Variants in PTGR2 observed in about 807,000 individuals in gnomAD.
PTGR2 encodes 15-oxoprostaglandin 13-reductase.
A neutral mutation model predicts 43.4 loss-of-function variants in PTGR2; 32 were observed. That is an observed-to-expected ratio of 0.74 (90% confidence interval 0.56 to 0.99). The LOEUF is 0.99. Among genes scored for constraint, PTGR2 ranks in the 50% least tolerant of loss-of-function variants. PTGR2 has a pLI of 0.00. For missense variants in PTGR2, 373 were observed against 420.0 expected (o/e 0.89, Z 0.98); for synonymous variants, 106 against 139.2 (o/e 0.76, Z 1.68).
At chr14:73,879,968 A>T (rs2054943700) in intron 6 of PTGR2, 87 bp from the exon 7 acceptor site, 1 of 1,364,440 alleles carries the variant, frequency 7.3e-7, no homozygotes, top group Non-Finnish European at 1.0e-6. Flanking sequence ...AGAAAGGATT[A>T]AATAGTCAAG....
chr14:73,884,339 T>C lies in PTGR2; in HGVS notation c.*162T>C, dbSNP rs559515254. 2.0e-6 allele frequency: 1 copy of C among 493,494 alleles called. No individual in the cohort carries two copies. Among genetic ancestry groups the C allele is most frequent in the African/African-American group, 2.0e-5 (1 of 49,102 alleles). 30.6% of individuals were successfully genotyped at this position (493,494 alleles called of 1,614,324 possible). On this transcript the variant is annotated 3_prime_UTR_variant, in exon 10 of 10. Transcript: ENST00000555661. ...GGTATTTGATACAATCATTAATGGA[T>C]CATACACAATAGGTTTTTAAAAATT...
chr14:73,869,755 G>T (rs951858046), intron 3 of PTGR2, among the ~76,000 whole-genome samples: 1 of 151,652 alleles, frequency 6.6e-6, no homozygotes, highest in Non-Finnish European at 1.5e-5. Context: ...GCTGGGCGAG[G>T]TGGCTCATGC....
chr14:73,866,396 C>T (rs1289905977), intron 3 of PTGR2, among the ~76,000 whole-genome samples: 1 of 151,972 alleles, frequency 6.6e-6, no homozygotes, highest in Non-Finnish European at 1.5e-5. Context: ...CTCAGCCTCC[C>T]AAAGTGCTGG....
intron 8 of PTGR2, 41 bp downstream of exon 8, chr14:73,881,333 C>T (rs1220534079): frequency 3.3e-6 from 4 of 1,209,410 alleles, no homozygotes; most frequent in Admixed American, 1.8e-5. Flanking sequence ...CTTCCTGCTA[C>T]TTGATATAAT....
chr14:73,879,362 C>A, intron 6 of PTGR2, 57 bp downstream of exon 6: 14 of 1,483,558 alleles, frequency 9.4e-6, no homozygotes, highest in Non-Finnish European at 1.2e-5. Context: ...GTTGTGATAT[C>A]TTTTTACCTA....
chr14:73,885,226 T>C lies in PTGR2; in HGVS notation c.*1049T>C, dbSNP rs1595377305. 1.3e-5 allele frequency: 2 copies of C among 152,046 alleles called. No individual in the cohort carries two copies. Among genetic ancestry groups the C allele is most frequent in the African/African-American group, 4.8e-5 (2 of 41,380 alleles). 9.4% of individuals were successfully genotyped at this position (152,046 alleles called of 1,614,324 possible). A position where few individuals can be genotyped will look rare whatever the true frequency, so the allele number is the denominator to read the frequency against. On this transcript the variant is annotated 3_prime_UTR_variant, in exon 10 of 10. Coordinates refer to ENST00000555661, the MANE Select transcript of PTGR2 (RefSeq NM_001146154.2). ...ATCATTTGAACCTGGGAGGGGGAGG[T>C]TGCCGTGAGCTGAGCTTGCACCATT...
In PTGR2 at chr14:73,874,221, T is replaced by C. The variant is rs2054802857; in HGVS notation, c.348+7T>C. 2 of 1,597,946 alleles carry C rather than the reference T, an allele frequency of 1.3e-6. No homozygotes were observed. The highest frequency in any genetic ancestry group is 8.6e-7 in the Non-Finnish European group (1 of 1,169,302). ...TGGAAATAGCCTTGAAAAGGTGATATATATATGAACATATCTGATTTTTTT... is the reference window on the plus strand; with the variant it reads ...TGGAAATAGCCTTGAAAAGGTGATACATATATGAACATATCTGATTTTTTT... On this transcript the variant is annotated splice_region_variant and intron_variant, in intron 4 of 9. Transcript: ENST00000555661.
chr14:73,876,910 G>A (rs1052353713), intron 4 of PTGR2, 88 bp from the exon 5 acceptor site: 12 of 911,102 alleles, frequency 1.3e-5, no homozygotes, highest in African/African-American at 3.4e-5. Context: ...TTGTGGGGAC[G>A]CAATTCAGTC....
chr14:73,864,350 C>T (rs2054556885), intron 3 of PTGR2, among the ~76,000 whole-genome samples: 1 of 152,080 alleles, frequency 6.6e-6, no homozygotes, highest in African/African-American at 2.4e-5. Flanking sequence ...TATGTTTAAC[C>T]TTTTGAGGAA....
intron 3 of PTGR2, among the ~76,000 whole-genome samples, chr14:73,868,081 GT>G (rs1182278854): frequency 6.6e-6 from 1 of 152,138 alleles, no homozygotes; most frequent in Non-Finnish European, 1.5e-5. Context: ...GAGGTCAGGA[GT>G]TTGACACCAG....
At position 73,882,844 on chromosome 14, in the gene PTGR2, G is replaced by A. The variant is rs866874394; in HGVS notation, c.979+406G>A. Among the ~76,000 whole-genome samples, 307 of 74,318 alleles carry A rather than the reference G, an allele frequency of 4.1e-3. 1 individual carries two copies. The highest frequency in any genetic ancestry group is 0.015 in the African/African-American group (294 of 20,270). The allele number at this position is 74,318 out of a possible 152,430, so 48.8% of individuals were successfully genotyped here. A position where few individuals can be genotyped will look rare whatever the true frequency, so the allele number is the denominator to read the frequency against. ...TTTTTTTTTTTTTTTTTTTTGAGAC[G>A]GAGTCTTGCTCTGTCTCCCAGGCTG... On this transcript the variant is annotated intron_variant, in intron 9 of 9. Transcript: ENST00000555661.
At chr14:73,875,709 T>C (rs1377286528) in intron 4 of PTGR2, among the ~76,000 whole-genome samples, 1 of 151,060 alleles carries the variant, frequency 6.6e-6, no homozygotes, top group East Asian at 1.9e-4. Context: ...TCTTCCATTG[T>C]TGCCAAGTAT....
At chr14:73,870,351 G>A (rs1266185420) in intron 3 of PTGR2, among the ~76,000 whole-genome samples, 1 of 151,838 alleles carries the variant, frequency 6.6e-6, no homozygotes, top group Non-Finnish European at 1.5e-5. Context: ...GCTAATTTTT[G>A]TATTTTTTAG....
Position 73,879,125 on chromosome 14 carries a change from G to A in PTGR2, c.549G>A (p.Val183=), listed in dbSNP as rs749022995. The A allele has an allele frequency of 5.6e-6, 9 of 1,613,968 alleles. No homozygotes were observed. The South Asian group carries it at 9.9e-5, about 18-fold the overall frequency. Residue 183 remains valine, a synonymous_variant, in exon 6 of 10, where the codon GTG becomes GTA. Coordinates refer to ENST00000555661, the MANE Select transcript of PTGR2 (RefSeq NM_001146154.2). The part of the protein sequence containing the change: ...QIGHFLGCSR[V]VGICGTHEKC... The stretch of plus-strand genomic sequence containing the variant: ...GCCATTTCTTAGGTTGTTCCAGAGT[G>A]GTGGGAATTTGTGGAACACATGAGA...
Position 73,885,270 on chromosome 14 carries a change from C to T in PTGR2, c.*1093C>T, listed in dbSNP as rs72627116. The T allele has an allele frequency of 0.15, 23,361 of 152,184 alleles. 2,365 individuals are homozygous for T. Among genetic ancestry groups the T allele is most frequent in the East Asian group, 0.49 (2,539 of 5,166 alleles). The allele number at this position is 152,184 out of a possible 1,614,324, so 9.4% of individuals were successfully genotyped here. A position where few individuals can be genotyped will look rare whatever the true frequency, so the allele number is the denominator to read the frequency against. ...CACCATTGCACTCCAGCCTGGGCGA[C>T]AAGAGTGAAATTCCATCTCAAAAAA... On this transcript the variant is annotated 3_prime_UTR_variant, in exon 10 of 10. Transcript: ENST00000555661.
At chr14:73,857,664 G>GTTTTTTTGT (rs1706483442) in intron 1 of PTGR2, among the ~76,000 whole-genome samples, 3 of 64,698 alleles carry the variant, frequency 4.6e-5, no homozygotes, top group Non-Finnish European at 5.4e-5. Flanking sequence ...AGCAGTTAGT[G>GTTTTTTTGT]TTTTTTTTTT....
rs58234739 is a variant in PTGR2, at chr14:73,883,188, CTTTTTTTT to C, written c.979+775_979+782del. Among the ~76,000 whole-genome samples, 15 of 58,152 alleles carry C rather than the reference CTTTTTTTT, an allele frequency of 2.6e-4. No homozygotes were observed. The East Asian group carries it at 5.3e-3, about 21-fold the overall frequency. 38.1% of individuals were successfully genotyped at this position (58,152 alleles called of 152,430 possible). On this transcript the variant is annotated intron_variant, in intron 9 of 9. Coordinates refer to ENST00000555661, the MANE Select transcript of PTGR2 (RefSeq NM_001146154.2). ...CCTGCCCTTCCCTCCCCTCACCTCC[CTTTTTTTT>C]TTTTTTTTTTTTTTTTTTTTTTTTA...
intron 3 of PTGR2, among the ~76,000 whole-genome samples, chr14:73,864,843 A>G (rs754379820): frequency 2.4e-4 from 37 of 152,220 alleles, no homozygotes; most frequent in Non-Finnish European, 4.0e-4. Context: ...TATACTTTCA[A>G]TACTTTCAGA....
At chr14:73,860,148 C>T (rs1039754992) in intron 2 of PTGR2, among the ~76,000 whole-genome samples, 4 of 151,930 alleles carry the variant, frequency 2.6e-5, no homozygotes, top group Admixed American at 2.6e-4. Context: ...CGCCTGGCCC[C>T]TTGTGCCTGT....
Sources: gnomAD v4.1 joint callset for allele counts (sites outside exome capture counted in the v4.1 genomes callset) on GRCh38, gnomAD v4.1.1 for gene constraint, MANE v1.5 for transcripts, NCBI Gene and HGNC (gene_info 2026-07-23, HGNC 2026-07-21) for gene names.